Variants in NRG3 observed in about 807,000 individuals in gnomAD.
NRG3 encodes pro-neuregulin-3, membrane-bound isoform.
Under a neutral mutation model 66.9 loss-of-function variants are expected in NRG3, and 31 were observed. The observed-to-expected ratio is 0.46, with a 90% confidence interval of 0.35 to 0.63. NRG3 has a LOEUF of 0.63. Ranked by LOEUF, NRG3 falls within the 20% of genes least tolerant of loss-of-function variation. The pLI, the probability that NRG3 is intolerant of heterozygous loss-of-function variation, is 0.00. For missense variants in NRG3, 910 were observed against 878.9 expected (o/e 1.04, Z -0.45); for synonymous variants, 393 against 359.4 (o/e 1.09, Z -1.06).
chr10:82,345,657 T>C (rs1414523431), intron 1 of NRG3, among the ~76,000 whole-genome samples: 5 of 151,224 alleles, frequency 3.3e-5, no homozygotes, highest in African/African-American at 1.2e-4. Flanking sequence ...CCTTGGGCAG[T>C]ATGGCCATTT....
At chr10:82,168,443 A>C (rs1231946737) in intron 1 of NRG3, among the ~76,000 whole-genome samples, 1 of 152,174 alleles carries the variant, frequency 6.6e-6, no homozygotes, top group Non-Finnish European at 1.5e-5. Context: ...TGTGAAATAC[A>C]CTTGCCCATC....
At chr10:82,066,155 T>G (rs912722457) in intron 1 of NRG3, among the ~76,000 whole-genome samples, 6 of 152,186 alleles carry the variant, frequency 3.9e-5, no homozygotes, top group African/African-American at 1.4e-4. Flanking sequence ...ATTTTTAGTT[T>G]CTTTATTTTG....
At chr10:82,491,515 A>T (rs1843146168) in intron 2 of NRG3, among the ~76,000 whole-genome samples, 1 of 151,774 alleles carries the variant, frequency 6.6e-6, no homozygotes, top group African/African-American at 2.4e-5. Flanking sequence ...TGAATGAGAT[A>T]ATAAAAGTAA....
chr10:82,106,594 C>T (rs1280746139), intron 1 of NRG3, among the ~76,000 whole-genome samples: 5 of 151,792 alleles, frequency 3.3e-5, no homozygotes, highest in African/African-American at 9.7e-5. Context: ...CAACCTCCGC[C>T]TCCTGGGTTC....
intron 4 of NRG3, among the ~76,000 whole-genome samples, chr10:82,909,868 G>A (rs1049322354): frequency 6.6e-6 from 1 of 152,156 alleles, no homozygotes; most frequent in Non-Finnish European, 1.5e-5. Flanking sequence ...GTGTAAGTGT[G>A]AACCATCTTA....
At chr10:82,149,873 T>G (rs757332465) in intron 1 of NRG3, among the ~76,000 whole-genome samples, 42 of 152,166 alleles carry the variant, frequency 2.8e-4, no homozygotes, top group Non-Finnish European at 5.9e-4. Context: ...TTACCTTGTA[T>G]TCAGTTTTCT....
chr10:82,358,032 G>A (rs1026887169), intron 1 of NRG3, among the ~76,000 whole-genome samples: 4 of 152,078 alleles, frequency 2.6e-5, no homozygotes, highest in Non-Finnish European at 5.9e-5. Flanking sequence ...CTTATTTATT[G>A]TTATTCTCAT....
intron 1 of NRG3, among the ~76,000 whole-genome samples, chr10:82,120,207 A>G (rs2132352497): frequency 6.6e-6 from 1 of 152,234 alleles, no homozygotes; most frequent in South Asian, 2.1e-4. Flanking sequence ...TCTCCCAGAA[A>G]GTGACCCAGT....
chr10:82,055,124 C>G (rs189330368), intron 1 of NRG3, among the ~76,000 whole-genome samples: 1 of 151,938 alleles, frequency 6.6e-6, no homozygotes, highest in African/African-American at 2.4e-5. Flanking sequence ...GCCACAGTCT[C>G]AGCTGCTGCT....
At chr10:82,516,979 G>T (rs1845718634) in intron 2 of NRG3, among the ~76,000 whole-genome samples, 3 of 152,082 alleles carry the variant, frequency 2.0e-5, no homozygotes, top group African/African-American at 7.2e-5. Context: ...ATGAAACAAT[G>T]CTCTTTCGTA....
At chr10:82,838,622 A>G (rs1023284807) in intron 3 of NRG3, among the ~76,000 whole-genome samples, 1 of 151,588 alleles carries the variant, frequency 6.6e-6, no homozygotes, top group Admixed American at 6.6e-5. Context: ...CTTTATATGA[A>G]TTTTTTTAAA....
At chr10:81,920,335 T>C (rs1484932597) in intron 1 of NRG3, among the ~76,000 whole-genome samples, 2 of 152,122 alleles carry the variant, frequency 1.3e-5, no homozygotes, top group Non-Finnish European at 2.9e-5. Flanking sequence ...CCTCACTCTA[T>C]TTGATTGGAG....
At chr10:82,531,954 C>A (rs553250708) in intron 2 of NRG3, among the ~76,000 whole-genome samples, 52 of 151,746 alleles carry the variant, frequency 3.4e-4, no homozygotes, top group African/African-American at 1.2e-3. Context: ...TTCTCCTAGC[C>A]CCTGGAAACC....
At chr10:82,679,564 C>G (rs1456966106) in intron 2 of NRG3, among the ~76,000 whole-genome samples, 1 of 152,070 alleles carries the variant, frequency 6.6e-6, no homozygotes, top group Non-Finnish European at 1.5e-5. Context: ...TGAGGTCAGT[C>G]CAGTGAAAAA....
At chr10:82,656,308 C>CTTTTTTTTTTTTTTTTTTTTT (rs3040205) in intron 2 of NRG3, among the ~76,000 whole-genome samples, 1 of 132,034 alleles carries the variant, frequency 7.6e-6, no homozygotes, top group Non-Finnish European at 1.6e-5. Context: ...TTTCTTTTTT[C>CTTTTTTTTTTTTTTTTTTTTT]TTTTTTTTTT....
At chr10:82,064,224 G>A (rs974024952) in intron 1 of NRG3, among the ~76,000 whole-genome samples, 1 of 152,138 alleles carries the variant, frequency 6.6e-6, no homozygotes, top group Non-Finnish European at 1.5e-5. Context: ...TTATAGTCCT[G>A]AGATCACAGG....
At chr10:82,337,383 C>T (rs936667954) in intron 1 of NRG3, among the ~76,000 whole-genome samples, 1 of 152,010 alleles carries the variant, frequency 6.6e-6, no homozygotes, top group Non-Finnish European at 1.5e-5. Context: ...ATAGATGTAC[C>T]AACTTTTTTG....
At chr10:82,942,452 A>G (rs993926598) in intron 4 of NRG3, among the ~76,000 whole-genome samples, 3 of 152,258 alleles carry the variant, frequency 2.0e-5, no homozygotes, top group African/African-American at 4.8e-5. Flanking sequence ...ATGGCTGCCC[A>G]GTTAAGTAGA....
chr10:82,449,287 T>C (rs1199717733), intron 2 of NRG3, among the ~76,000 whole-genome samples: 1 of 152,190 alleles, frequency 6.6e-6, no homozygotes, highest in Non-Finnish European at 1.5e-5. Context: ...AGGAAGAATG[T>C]CTAGTGGACA....
Sources: gnomAD v4.1 joint callset for allele counts (sites outside exome capture counted in the v4.1 genomes callset) on GRCh38, gnomAD v4.1.1 for gene constraint, MANE v1.5 for transcripts, NCBI Gene and HGNC (gene_info 2026-07-23, HGNC 2026-07-21) for gene names.